The following RPRD1A variants were observed in gnomAD, a reference collection of about 807,000 sequenced individuals.
RPRD1A encodes regulation of nuclear pre-mRNA domain-containing protein 1A.
A neutral mutation model predicts 37.8 loss-of-function variants in RPRD1A; 9 were observed. The observed-to-expected ratio is 0.24, with a 90% CI of 0.14 to 0.42. The LOEUF (loss-of-function observed/expected upper bound fraction) is 0.42. Ranked by LOEUF, RPRD1A falls within the 10% of genes least tolerant of loss-of-function variation. The probability of loss-of-function intolerance (pLI) is 1.00; values close to 1 mark genes in which losing one functional copy is unlikely to be tolerated. For synonymous variants in RPRD1A, 138 were observed against 139.7 expected (o/e 0.99, Z 0.08); for missense variants, 255 against 371.0 (o/e 0.69, Z 2.57).
In RPRD1A at chr18:35,992,240, A is replaced by AG. The variant is rs1908756429; in HGVS notation, c.*910_*911insC. ...TTGTGTTCTTGAGCTATTAGAGCTA[A>AG]AAGTATTATTTTTAAAGTTATATGA... is the stretch of plus-strand genomic sequence containing the variant. On this transcript the variant is annotated 3_prime_UTR_variant, in exon 7 of 7. Transcript: ENST00000399022. 2.6e-5 allele frequency: 4 copies of AG among 152,628 alleles called. No individual in the cohort carries two copies. Among genetic ancestry groups the AG allele is most frequent in the Non-Finnish European group, 5.9e-5 (4 of 68,010 alleles). The allele number at this position is 152,628 out of a possible 1,614,324, so 9.5% of individuals were successfully genotyped here.
chr18:36,003,202 T>A (rs1157520741), intron 6 of RPRD1A, among the ~76,000 whole-genome samples: 2 of 152,230 alleles, frequency 1.3e-5, no homozygotes, highest in Non-Finnish European at 2.9e-5. Context: ...TAATATGGAA[T>A]CCAGAGTTGA....
rs150453020 is a variant in RPRD1A at position 36,060,244 on chromosome 18, A to G, written c.151+7010T>C. 2.6e-5 allele frequency among the ~76,000 whole-genome samples: 4 copies of G among 152,290 alleles called. No individual in the cohort carries two copies. In the East Asian group the frequency reaches 7.7e-4, roughly 29 times the overall value. On this transcript the variant is annotated intron_variant, in intron 1 of 6. Coordinates refer to ENST00000399022, the MANE Select transcript of RPRD1A (RefSeq NM_018170.5). ...CAGGAGATCGAGACCATCCTGACTA[A>G]CACGGTAAAACCCCCATCTCTACTA... is the stretch of plus-strand genomic sequence containing the variant.
At chr18:36,014,479 C>G (rs1910372768) in intron 6 of RPRD1A, among the ~76,000 whole-genome samples, 1 of 152,376 alleles carries the variant, frequency 6.6e-6, no homozygotes, top group African/African-American at 2.4e-5. Context: ...TGGCTCACGC[C>G]TGTAATCCCA....
At position 36,008,569 on chromosome 18, in the gene RPRD1A, T is replaced by TATA. The variant is rs1555670660; in HGVS notation, c.790-15270_790-15269insTAT. Among the ~76,000 whole-genome samples the TATA allele has an allele frequency of 7.1e-5, 4 of 56,068 alleles. 1 individual carries two copies. The highest frequency in any genetic ancestry group is 1.9e-4 in the Admixed American group (1 of 5,390). 36.8% of individuals were successfully genotyped at this position (56,068 alleles called of 152,430 possible). ...CTAGCCTGGGCGACACAGCAAGACCTTGTGTGTGTATATATATATATCTTT... is the reference window on the plus strand; with the variant it reads ...CTAGCCTGGGCGACACAGCAAGACCTATATGTGTGTGTATATATATATATCTTT... On this transcript the variant is annotated intron_variant, in intron 6 of 6. Transcript: ENST00000399022.
chr18:36,004,333 C>T (rs964227908), intron 6 of RPRD1A, among the ~76,000 whole-genome samples: 5 of 151,876 alleles, frequency 3.3e-5, no homozygotes, highest in African/African-American at 4.8e-5. Flanking sequence ...CAGCTTACTA[C>T]AACCTCTGCC....
At chr18:36,049,900 T>C (rs1913252275) in intron 1 of RPRD1A, among the ~76,000 whole-genome samples, 1 of 152,194 alleles carries the variant, frequency 6.6e-6, no homozygotes, top group Non-Finnish European at 1.5e-5. Context: ...CATACAGTTT[T>C]CTATAGCAGC....
chr18:36,032,242 G>A (rs996266041), intron 2 of RPRD1A, among the ~76,000 whole-genome samples: 8 of 142,972 alleles, frequency 5.6e-5, no homozygotes, highest in Non-Finnish European at 1.2e-4. Flanking sequence ...TGAAATGTAG[G>A]CTCCAGTAGA....
At chr18:36,064,704 A>C (rs1241704899) in intron 1 of RPRD1A, among the ~76,000 whole-genome samples, 1 of 152,204 alleles carries the variant, frequency 6.6e-6, no homozygotes, top group Admixed American at 6.5e-5. Context: ...GGCTGGGGCC[A>C]GATAAGAGAA....
chr18:36,067,129 C>G, intron 1 of RPRD1A, 125 bp downstream of exon 1: 1 of 1,028,304 alleles, frequency 9.7e-7, no homozygotes, highest in Non-Finnish European at 1.4e-6. Context: ...CCTCCAAGCC[C>G]GCAGACCACC....
At chr18:36,034,002 C>A (rs1463083627) in intron 1 of RPRD1A, among the ~76,000 whole-genome samples, 165 bp from the exon 2 acceptor site, 1 of 151,982 alleles carries the variant, frequency 6.6e-6, no homozygotes, top group Non-Finnish European at 1.5e-5. Flanking sequence ...CCAGTCACTG[C>A]TGCTAAAATC....
At position 35,999,554 on chromosome 18, in the gene RPRD1A, A is replaced by G. The variant is rs138548346; in HGVS notation, c.790-6254T>C. On this transcript the variant is annotated intron_variant, in intron 6 of 6. Coordinates refer to ENST00000399022, the MANE Select transcript of RPRD1A (RefSeq NM_018170.5). ...AAATTCTAGTTGCTTTAAATACATAATATTTCTGAAATTAAAATATTTACA... is the reference window on the plus strand; with the variant it reads ...AAATTCTAGTTGCTTTAAATACATAGTATTTCTGAAATTAAAATATTTACA... 2.8e-4 allele frequency among the ~76,000 whole-genome samples: 42 copies of G among 152,242 alleles called. No individual in the cohort carries two copies. In the East Asian group the frequency reaches 7.7e-3, roughly 28 times the overall value.
chr18:36,050,012 G>A (rs1217940415), intron 1 of RPRD1A, among the ~76,000 whole-genome samples: 1 of 152,010 alleles, frequency 6.6e-6, no homozygotes, highest in African/African-American at 2.4e-5. Flanking sequence ...CCATTCTAAT[G>A]GATATGAAGT....
intron 6 of RPRD1A, among the ~76,000 whole-genome samples, chr18:36,013,524 A>C (rs2144212687): frequency 6.6e-6 from 1 of 152,322 alleles, no homozygotes; most frequent in East Asian, 1.9e-4. Context: ...TATCCGAGAT[A>C]GGTGCTAGTC....
rs1377035236 is a variant in RPRD1A at position 36,035,632 on chromosome 18, GAAATAA to G, written c.152-1801_152-1796del. On this transcript the variant is annotated intron_variant, in intron 1 of 6. Transcript: ENST00000399022. Reference sequence around the variant, plus strand: ...CAATGCAAAACAAAAAGTAGCAACTGAAATAAAAATATTTTACAATGTTAGCAGCAT... The same window carrying G: ...CAATGCAAAACAAAAAGTAGCAACTGAAATATTTTACAATGTTAGCAGCAT... 4.6e-5 allele frequency among the ~76,000 whole-genome samples: 7 copies of G among 152,128 alleles called. No homozygotes were observed. In the East Asian group the frequency reaches 1.3e-3, roughly 29 times the overall value.
At position 36,054,766 on chromosome 18, in the gene RPRD1A, C is replaced by T. The variant is rs1277654335; in HGVS notation, c.151+12488G>A. ...CCAAAGGCCTTAGAACCAGGACTACCAATGGTGTAGTTCAAGTCTGAAGGC... is the reference window on the plus strand; with the variant it reads ...CCAAAGGCCTTAGAACCAGGACTACTAATGGTGTAGTTCAAGTCTGAAGGC... On this transcript the variant is annotated intron_variant, in intron 1 of 6. Coordinates refer to ENST00000399022, the MANE Select transcript of RPRD1A (RefSeq NM_018170.5). 4.0e-5 allele frequency among the ~76,000 whole-genome samples: 6 copies of T among 151,542 alleles called. No homozygotes were observed. The East Asian group carries it at 9.7e-4, about 24-fold the overall frequency.
At chr18:36,049,684 C>T (rs1379375767) in intron 1 of RPRD1A, among the ~76,000 whole-genome samples, 10 of 152,176 alleles carry the variant, frequency 6.6e-5, no homozygotes, top group Non-Finnish European at 1.0e-4. Flanking sequence ...TGTATGTATA[C>T]ACTACATTAT....
chr18:36,058,466 T>C (rs1288349914), intron 1 of RPRD1A, among the ~76,000 whole-genome samples: 1 of 152,252 alleles, frequency 6.6e-6, no homozygotes, highest in African/African-American at 2.4e-5. Flanking sequence ...CTTTTATTTT[T>C]ATAAGAAATG....
chr18:36,014,477 G>A (rs1248273670), intron 6 of RPRD1A, among the ~76,000 whole-genome samples: 8 of 152,218 alleles, frequency 5.3e-5, no homozygotes, highest in African/African-American at 1.9e-4. Context: ...CATGGCTCAC[G>A]CCTGTAATCC....
At chr18:35,996,097 A>G (rs1171056411) in intron 6 of RPRD1A, among the ~76,000 whole-genome samples, 2 of 152,232 alleles carry the variant, frequency 1.3e-5, no homozygotes, top group African/African-American at 2.4e-5. Flanking sequence ...AAATCTGAAT[A>G]AAGTGTGGCC....
Sources: gnomAD v4.1 joint callset for allele counts (sites outside exome capture counted in the v4.1 genomes callset) on GRCh38, gnomAD v4.1.1 for gene constraint, MANE v1.5 for transcripts, NCBI Gene and HGNC (gene_info 2026-07-23, HGNC 2026-07-21) for gene names.